The following SUGCT variants were observed in gnomAD, a reference collection of about 807,000 sequenced individuals.
The protein encoded by SUGCT is succinyl-CoA:glutarate CoA-transferase.
In SUGCT, 41 loss-of-function variants were observed where a neutral mutation model predicts 55.0. The observed-to-expected ratio is 0.74, with a 90% CI of 0.58 to 0.97. The LOEUF (loss-of-function observed/expected upper bound fraction) is 0.97, where lower values mean the gene tolerates loss of function less well. SUGCT is among the 50% of genes least tolerant of loss of function. The pLI is 0.00. For missense variants in SUGCT, 568 were observed against 547.8 expected, an observed-to-expected ratio of 1.04 and a Z score of -0.37; for synonymous variants, 187 against 200.4, an observed-to-expected ratio of 0.93 and a Z score of 0.56.
At chr7:40,897,668 C>G in the SUGCT span, among the ~76,000 whole-genome samples, 1 of 152,072 alleles carries the variant, frequency 6.6e-6, no homozygotes, top group Non-Finnish European at 1.5e-5. Context: ...GATGGTGGCT[C>G]CAACTGAGCT....
intron 8 of SUGCT, among the ~76,000 whole-genome samples, chr7:40,284,999 AT>A (rs1180773034): frequency 1.3e-5 from 2 of 152,154 alleles, no homozygotes; most frequent in African/African-American, 2.4e-5. Flanking sequence ...GGCATTGCAT[AT>A]TTTTATATGA....
At chr7:40,506,819 C>A (rs1792629769) in intron 12 of SUGCT, among the ~76,000 whole-genome samples, 1 of 151,890 alleles carries the variant, frequency 6.6e-6, no homozygotes, top group South Asian at 2.1e-4. Flanking sequence ...ATGGTTGAAC[C>A]CCTCAAGTAA....
chr7:40,973,469 C>G, the SUGCT span, among the ~76,000 whole-genome samples: 1 of 152,138 alleles, frequency 6.6e-6, no homozygotes, highest in Admixed American at 6.5e-5. Flanking sequence ...TCTCTCTTTT[C>G]CAGGTGTATT....
intron 13 of SUGCT, among the ~76,000 whole-genome samples, chr7:40,816,434 G>A (rs1285359984): frequency 6.6e-6 from 1 of 152,130 alleles, no homozygotes; most frequent in East Asian, 1.9e-4. Flanking sequence ...GTTCCCCCTT[G>A]GCCTGGGTTG....
chr7:40,876,495 T>C, the SUGCT span, among the ~76,000 whole-genome samples: 1 of 152,214 alleles, frequency 6.6e-6, no homozygotes, highest in Admixed American at 6.5e-5. Flanking sequence ...TTGAAGTTTC[T>C]AGAAAGTTAT....
intron 12 of SUGCT, among the ~76,000 whole-genome samples, chr7:40,517,454 C>T (rs1013412413): frequency 6.6e-6 from 1 of 152,088 alleles, no homozygotes; most frequent in Non-Finnish European, 1.5e-5. Flanking sequence ...TTCAATCTTT[C>T]ACCATTAAGA....
At chr7:40,888,762 C>T in the SUGCT span, among the ~76,000 whole-genome samples, 14 of 152,108 alleles carry the variant, frequency 9.2e-5, no homozygotes, top group Non-Finnish European at 1.5e-4. Flanking sequence ...TCAGTCAGGG[C>T]CAAAGGATTA....
chr7:41,014,548 G>T, the SUGCT span, among the ~76,000 whole-genome samples: 1 of 152,146 alleles, frequency 6.6e-6, no homozygotes, highest in African/African-American at 2.4e-5. Context: ...TAAAAGACTC[G>T]CAGTCCCTCG....
At chr7:40,196,579 A>G (rs889484847) in intron 6 of SUGCT, among the ~76,000 whole-genome samples, 11 of 152,236 alleles carry the variant, frequency 7.2e-5, no homozygotes, top group African/African-American at 2.7e-4. Flanking sequence ...TGCCCTACCC[A>G]TATGGTGACA....
At chr7:40,729,189 T>C (rs1786764615) in intron 12 of SUGCT, among the ~76,000 whole-genome samples, 1 of 152,238 alleles carries the variant, frequency 6.6e-6, no homozygotes, top group South Asian at 2.1e-4. Context: ...TAGTGCTTGC[T>C]GCGTGCCAAG....
At chr7:40,595,025 A>G (rs550828873) in intron 12 of SUGCT, among the ~76,000 whole-genome samples, 1 of 152,338 alleles carries the variant, frequency 6.6e-6, no homozygotes, top group East Asian at 1.9e-4. Context: ...CTGAATATGA[A>G]AAAAGAGGTT....
chr7:41,018,973 T>G, the SUGCT span, among the ~76,000 whole-genome samples: 1 of 151,950 alleles, frequency 6.6e-6, no homozygotes, highest in Non-Finnish European at 1.5e-5. Flanking sequence ...TGGTGCGATC[T>G]TGGCTCACTG....
intron 9 of SUGCT, among the ~76,000 whole-genome samples, chr7:40,442,646 G>A (rs1788577541): frequency 6.6e-6 from 1 of 151,962 alleles, no homozygotes; most frequent in Non-Finnish European, 1.5e-5. Flanking sequence ...TGGGAGTTGG[G>A]ACTTGCAAAA....
chr7:40,533,948 G>A (rs1794225203), intron 12 of SUGCT, among the ~76,000 whole-genome samples: 1 of 151,896 alleles, frequency 6.6e-6, no homozygotes, highest in African/African-American at 2.4e-5. Context: ...TTCTTTAATT[G>A]CCATTTTCTC....
At chr7:40,918,445 A>AGC in the SUGCT span, among the ~76,000 whole-genome samples, 1 of 135,314 alleles carries the variant, frequency 7.4e-6, no homozygotes, top group African/African-American at 3.0e-5. Context: ...TGGGCGACAG[A>AGC]GCGAGACTCT....
At chr7:40,906,956 C>A in the SUGCT span, among the ~76,000 whole-genome samples, 1 of 152,066 alleles carries the variant, frequency 6.6e-6, no homozygotes, top group African/African-American at 2.4e-5. Flanking sequence ...TGCTGGCCTC[C>A]CAGAGACTCA....
intron 7 of SUGCT, among the ~76,000 whole-genome samples, chr7:40,243,387 T>C (rs150423384): frequency 4.1e-4 from 62 of 152,214 alleles, no homozygotes; most frequent in African/African-American, 1.4e-3. Context: ...AATTTTTTCC[T>C]TCCCTAGATT....
At chr7:40,696,853 C>G (rs553083513) in intron 12 of SUGCT, among the ~76,000 whole-genome samples, 1 of 152,136 alleles carries the variant, frequency 6.6e-6, no homozygotes, top group African/African-American at 2.4e-5. Context: ...AGTAAGCAGC[C>G]TAGGGAAGGC....
chr7:40,685,832 G>A lies in SUGCT; in HGVS notation c.1090-63602G>A, dbSNP rs540650364. 2.6e-3 allele frequency among the ~76,000 whole-genome samples: 400 copies of A among 152,246 alleles called. 1 individual carries two copies. The highest frequency in any genetic ancestry group is 4.4e-3 in the Non-Finnish European group (296 of 68,010). ...GTGGGAAGATCCCTTGAGGTCAGAAGTTTGAGACCAGCCTGGCCAACATAG... is the reference window on the plus strand; with the variant it reads ...GTGGGAAGATCCCTTGAGGTCAGAAATTTGAGACCAGCCTGGCCAACATAG... On this transcript the variant is annotated intron_variant, in intron 12 of 13. Transcript: ENST00000335693.
Sources: gnomAD v4.1 joint callset for allele counts (sites outside exome capture counted in the v4.1 genomes callset) on GRCh38, gnomAD v4.1.1 for gene constraint, MANE v1.5 for transcripts, NCBI Gene and HGNC (gene_info 2026-07-23, HGNC 2026-07-21) for gene names.